TENM4: variants seen among roughly 807,000 people sequenced by gnomAD.
TENM4 encodes the protein teneurin transmembrane protein 4, also known as teneurin-4.
Under a neutral mutation model 243.3 loss-of-function variants are expected in TENM4, and 82 were observed. The ratio of observed to expected loss-of-function variants is 0.34; its 90% confidence interval spans 0.28 to 0.40. TENM4 has a LOEUF of 0.40. Among genes scored for constraint, TENM4 ranks in the 10% least tolerant of loss-of-function variants. The pLI is 1.00. For synonymous variants in TENM4, 1,412 were observed against 1,456.3 expected (o/e 0.97, Z 0.69); for missense variants, 3,138 against 3,673.3 (o/e 0.85, Z 3.77).
intron 6 of TENM4, among the ~76,000 whole-genome samples, chr11:78,946,501 C>T (rs1348366209): frequency 1.3e-5 from 2 of 152,190 alleles, no homozygotes; most frequent in Admixed American, 1.3e-4. Context: ...TGTTTTCATG[C>T]CTGCTCATGT....
intron 14 of TENM4, 132 bp from the exon 15 acceptor site, chr11:78,805,624 T>A: frequency 8.9e-7 from 1 of 1,117,628 alleles, no homozygotes. Flanking sequence ...GGTCACTTAG[T>A]AAGGTGAGAG....
intron 1 of TENM4, among the ~76,000 whole-genome samples, chr11:79,439,652 CGTGT>C (rs1182522468): frequency 8.5e-6 from 1 of 118,266 alleles, no homozygotes; most frequent in Middle Eastern, 4.1e-3. Flanking sequence ...TCCTCGGTTG[CGTGT>C]GTGTGTCCAC....
chr11:78,979,945 T>C (rs1485158746), intron 6 of TENM4, among the ~76,000 whole-genome samples: 1 of 152,172 alleles, frequency 6.6e-6, no homozygotes, highest in Non-Finnish European at 1.5e-5. Context: ...AGAGTTCCAA[T>C]AATAAAACTA....
chr11:79,228,171 G>C (rs1476321546), intron 2 of TENM4, among the ~76,000 whole-genome samples: 4 of 152,134 alleles, frequency 2.6e-5, no homozygotes, highest in Admixed American at 6.5e-5. Flanking sequence ...GAAATGAAGG[G>C]ACAAAGACTT....
intron 30 of TENM4, 86 bp downstream of exon 30, chr11:78,676,066 C>T: frequency 7.8e-7 from 1 of 1,279,236 alleles, no homozygotes. Context: ...AACTGAGGTC[C>T]CAGGGAATTT....
At chr11:79,164,955 ATATG>A (rs1862877885) in intron 3 of TENM4, among the ~76,000 whole-genome samples, 1 of 62,994 alleles carries the variant, frequency 1.6e-5, no homozygotes, top group South Asian at 6.8e-4. Flanking sequence ...TACTATATAT[ATATG>A]TGTGTGTGTG....
chr11:79,197,077 C>T (rs1050171826), intron 3 of TENM4, among the ~76,000 whole-genome samples: 1 of 152,162 alleles, frequency 6.6e-6, no homozygotes, highest in African/African-American at 2.4e-5. Context: ...TTCATTTTAC[C>T]TGAGCCAACT....
chr11:78,831,320 C>A (rs1240760293), intron 12 of TENM4, among the ~76,000 whole-genome samples: 1 of 152,228 alleles, frequency 6.6e-6, no homozygotes, highest in African/African-American at 2.4e-5. Flanking sequence ...AAGGTGGGAC[C>A]TAACTCCCTC....
intron 1 of TENM4, among the ~76,000 whole-genome samples, chr11:79,380,918 C>G (rs981580963): frequency 3.3e-5 from 5 of 152,102 alleles, no homozygotes; most frequent in Non-Finnish European, 7.3e-5. Context: ...TGACCATAAG[C>G]CATTCTCAAT....
intron 2 of TENM4, among the ~76,000 whole-genome samples, chr11:79,267,913 C>A (rs1193500919): frequency 6.6e-6 from 1 of 152,140 alleles, no homozygotes; most frequent in Non-Finnish European, 1.5e-5. Context: ...TTTGACTGTG[C>A]CAAAACAATC....
intron 19 of TENM4, among the ~76,000 whole-genome samples, chr11:78,741,680 C>T (rs544512083): frequency 4.4e-4 from 67 of 152,240 alleles, no homozygotes; most frequent in Non-Finnish European, 8.2e-4. Flanking sequence ...TCAGTTCTTG[C>T]GAACTGGTTC....
rs77264823 is a variant in TENM4, at chr11:78,909,970, C to T, written c.494-6447G>A. ...ACGTGGAGGATGAACCAGGCCGGGA[C>T]AGGCTATAAGAACCCCCTAGACTGA... is the stretch of plus-strand genomic sequence containing the variant. On this transcript the variant is annotated intron_variant, in intron 6 of 33. Transcript: ENST00000278550. Among the ~76,000 whole-genome samples, 1,378 of 152,288 alleles carry T rather than the reference C, an allele frequency of 9.0e-3. 12 individuals carry two copies. Among genetic ancestry groups the T allele is most frequent in the African/African-American group, 0.019 (780 of 41,556 alleles).
intron 1 of TENM4, among the ~76,000 whole-genome samples, chr11:79,374,918 G>A (rs760792432): frequency 1.5e-4 from 23 of 152,310 alleles, no homozygotes; most frequent in African/African-American, 4.8e-4. Flanking sequence ...TGGCTGCAAC[G>A]ACGGGCAAGC....
intron 4 of TENM4, among the ~76,000 whole-genome samples, chr11:79,094,256 T>A (rs138118913): frequency 6.6e-6 from 1 of 152,270 alleles, no homozygotes; most frequent in African/African-American, 2.4e-5. Context: ...ACTTCCTGAG[T>A]GCCTGTGATG....
At chr11:78,986,767 T>A (rs572807746) in intron 6 of TENM4, among the ~76,000 whole-genome samples, 1 of 152,108 alleles carries the variant, frequency 6.6e-6, no homozygotes, top group Non-Finnish European at 1.5e-5. Flanking sequence ...AGAGATGGGG[T>A]TTTGCCATAT....
intron 15 of TENM4, among the ~76,000 whole-genome samples, chr11:78,788,231 CA>C (rs1856979560): frequency 6.6e-6 from 1 of 152,254 alleles, no homozygotes; most frequent in Non-Finnish European, 1.5e-5. Flanking sequence ...CTCAGAGGCT[CA>C]GACCTTCCTA....
intron 17 of TENM4, among the ~76,000 whole-genome samples, chr11:78,775,975 A>G (rs984776106): frequency 3.9e-5 from 6 of 152,174 alleles, no homozygotes; most frequent in African/African-American, 1.2e-4. Flanking sequence ...GTTAAGTGGC[A>G]TGGATTCTAT....
intron 16 of TENM4, among the ~76,000 whole-genome samples, chr11:78,781,035 G>T (rs947625105): frequency 6.6e-6 from 1 of 152,204 alleles, no homozygotes; most frequent in Non-Finnish European, 1.5e-5. Context: ...TTCCGGGAAT[G>T]GAATGGAGCT....
chr11:79,400,459 T>C (rs1858438102), intron 1 of TENM4, among the ~76,000 whole-genome samples: 1 of 152,116 alleles, frequency 6.6e-6, no homozygotes, highest in Non-Finnish European at 1.5e-5. Context: ...TGCTGGCACA[T>C]CCCCAAACAA....
Sources: allele counts gnomAD v4.1 joint callset (sites outside exome capture counted in the v4.1 genomes callset), GRCh38; gene constraint gnomAD v4.1.1; transcripts MANE v1.5; gene names NCBI Gene and HGNC (gene_info 2026-07-23, HGNC 2026-07-21).